Variants in SLC26A5 observed in about 807,000 individuals in gnomAD.
SLC26A5 encodes the protein prestin.
Under a neutral mutation model 81.0 loss-of-function variants are expected in SLC26A5, and 51 were observed. The observed-to-expected ratio is 0.63, with a 90% CI of 0.50 to 0.80. The LOEUF is 0.80. Ranked by LOEUF, SLC26A5 falls within the 30% of genes least tolerant of loss-of-function variation. The pLI is 0.00. For missense variants in SLC26A5, 771 were observed against 905.8 expected, an observed-to-expected ratio of 0.85 and a Z score of 1.91; for synonymous variants, 325 against 332.8, an observed-to-expected ratio of 0.98 and a Z score of 0.25.
chr7:103,394,055 C>T (rs947644172), intron 9 of SLC26A5, among the ~76,000 whole-genome samples: 4 of 152,196 alleles, frequency 2.6e-5, no homozygotes, highest in African/African-American at 9.7e-5. Flanking sequence ...AGCAACTTGT[C>T]CAAGGACAAG....
At chr7:103,381,490 C>T (rs1481990703) in intron 14 of SLC26A5, among the ~76,000 whole-genome samples, 1 of 151,250 alleles carries the variant, frequency 6.6e-6, no homozygotes, top group Non-Finnish European at 1.5e-5. Context: ...CATGCATACA[C>T]AGCACACACA....
At chr7:103,413,803 A>G (rs948887916) in intron 4 of SLC26A5, among the ~76,000 whole-genome samples, 2 of 151,918 alleles carry the variant, frequency 1.3e-5, no homozygotes, top group African/African-American at 4.8e-5. Flanking sequence ...ATTTTTTTTT[A>G]AATAGAATTT....
In SLC26A5 at chr7:103,390,513, G is replaced by T. The variant is rs767679693; in HGVS notation, c.1234-7C>A. The T allele has an allele frequency of 4.8e-5, 78 of 1,613,544 alleles. No homozygotes were observed. In the Middle Eastern group the frequency reaches 5.0e-4, roughly 10 times the overall value. On this transcript the variant is annotated splice_polypyrimidine_tract_variant and splice_region_variant and intron_variant, in intron 11 of 19. Coordinates refer to ENST00000306312, the MANE Select transcript of SLC26A5 (RefSeq NM_198999.3). Reference sequence around the variant, plus strand: ...AGGCCAAACAACCTGCAAGCTGAATGAGAGAAGACACATGGAAGGGGCTTT... The same window carrying T: ...AGGCCAAACAACCTGCAAGCTGAATTAGAGAAGACACATGGAAGGGGCTTT...
At chr7:103,384,559 G>C (rs1230957706) in intron 14 of SLC26A5, among the ~76,000 whole-genome samples, 1 of 152,048 alleles carries the variant, frequency 6.6e-6, no homozygotes, top group African/African-American at 2.4e-5. Context: ...GGAGGTTGCA[G>C]TGAGCTGAGA....
rs747533690 is a variant in SLC26A5, at chr7:103,379,267, C to T, written c.1653G>A (p.Leu551=). Residue 551 remains leucine, a synonymous_variant, in exon 16 of 20, where the codon TTG becomes TTA. Coordinates refer to ENST00000306312, the MANE Select transcript of SLC26A5 (RefSeq NM_198999.3). ...NAPIYYANSD[L]YSNALKRKTG... The stretch of plus-strand genomic sequence containing the variant: ...CCTTTCGTTTTAATGCATTGCTATA[C>T]AAGTCGCTATTTGCATAGTAAATTG... The T allele has an allele frequency of 6.2e-7, 1 of 1,611,178 alleles. No individual in the cohort carries two copies. Among genetic ancestry groups the T allele is most frequent in the African/African-American group, 1.3e-5 (1 of 74,788 alleles).
At chr7:103,387,265 T>C (rs1318379473) in intron 14 of SLC26A5, among the ~76,000 whole-genome samples, 1 of 152,246 alleles carries the variant, frequency 6.6e-6, no homozygotes, top group Non-Finnish European at 1.5e-5. Context: ...TTTTCTGTTA[T>C]GTCATTTGTG....
chr7:103,397,434 G>A (rs1243172832), intron 9 of SLC26A5, among the ~76,000 whole-genome samples: 3 of 150,308 alleles, frequency 2.0e-5, no homozygotes, highest in African/African-American at 5.0e-5. Flanking sequence ...CCAGCTGCTC[G>A]GGAGGCTGAG....
intron 14 of SLC26A5, 26 bp from the exon 15 acceptor site, chr7:103,380,575 A>T: frequency 6.2e-7 from 1 of 1,600,630 alleles, no homozygotes; most frequent in Non-Finnish European, 8.6e-7. Context: ...GTTAAATACC[A>T]TTGTGTTGAG....
intron 2 of SLC26A5, among the ~76,000 whole-genome samples, chr7:103,432,285 T>C (rs998128496): frequency 6.6e-6 from 1 of 152,208 alleles, no homozygotes; most frequent in Non-Finnish European, 1.5e-5. Context: ...TTTTAATTTC[T>C]TTACCTATAA....
intron 19 of SLC26A5, 47 bp from the exon 20 acceptor site, chr7:103,374,639 C>A: frequency 6.4e-7 from 1 of 1,560,762 alleles, no homozygotes; most frequent in South Asian, 1.1e-5. Flanking sequence ...GGATATCAGT[C>A]TTCAACAATT....
At chr7:103,363,931 T>A (rs1013520746) in intron 19 of SLC26A5, among the ~76,000 whole-genome samples, 11 of 152,352 alleles carry the variant, frequency 7.2e-5, no homozygotes, top group African/African-American at 2.6e-4. Flanking sequence ...TATGTATTGA[T>A]AGAAGTCCAG....
intron 19 of SLC26A5, among the ~76,000 whole-genome samples, chr7:103,357,476 T>G (rs1820102996): frequency 6.6e-6 from 1 of 152,222 alleles, no homozygotes; most frequent in Non-Finnish European, 1.5e-5. Context: ...TGCTATATCT[T>G]GTGTATTATA....
chr7:103,381,653 GCA>G (rs752500625), intron 14 of SLC26A5, among the ~76,000 whole-genome samples: 3 of 146,344 alleles, frequency 2.0e-5, no homozygotes, highest in African/African-American at 5.1e-5. Flanking sequence ...CCACATATAT[GCA>G]CACACTACAC....
intron 3 of SLC26A5, among the ~76,000 whole-genome samples, chr7:103,421,134 C>T (rs1202673151): frequency 1.3e-5 from 2 of 152,156 alleles, no homozygotes; most frequent in South Asian, 2.1e-4. Context: ...TTAACATTTA[C>T]ACAGAAAAAA....
rs573434454 is a variant in SLC26A5 at position 103,415,553 on chromosome 7, T to C, written c.293-2441A>G. Among the ~76,000 whole-genome samples, 258 of 152,308 alleles carry C rather than the reference T, an allele frequency of 1.7e-3. 1 individual carries two copies. Among genetic ancestry groups the C allele is most frequent in the Non-Finnish European group, 1.8e-4 (12 of 68,028 alleles). The stretch of plus-strand genomic sequence containing the variant: ...AGGCCAGGGGTGCTGCTAAGTGCCC[T>C]TCACTGCACAAGACAGGCCCCCAAC... On this transcript the variant is annotated intron_variant, in intron 4 of 19. Coordinates refer to ENST00000306312, the MANE Select transcript of SLC26A5 (RefSeq NM_198999.3).
intron 4 of SLC26A5, 43 bp downstream of exon 4, chr7:103,420,695 G>T (rs774165562): frequency 1.3e-5 from 21 of 1,611,978 alleles, no homozygotes; most frequent in Non-Finnish European, 1.7e-5. Context: ...TCAAGCAATT[G>T]TTTGAGGACA....
intron 4 of SLC26A5, among the ~76,000 whole-genome samples, chr7:103,417,092 C>G (rs1824966248): frequency 6.6e-6 from 1 of 152,112 alleles, no homozygotes; most frequent in Admixed American, 6.5e-5. Context: ...TCTTCCTAGG[C>G]TGGGCACAGT....
chr7:103,377,013 T>C (rs1821403440), intron 18 of SLC26A5, 151 bp from the exon 19 acceptor site: 3 of 594,326 alleles, frequency 5.0e-6, no homozygotes, highest in African/African-American at 3.8e-5. Flanking sequence ...AGCTAATCAG[T>C]TAAAAATAAT....
At chr7:103,385,658 G>C (rs906045626) in intron 14 of SLC26A5, among the ~76,000 whole-genome samples, 1 of 151,476 alleles carries the variant, frequency 6.6e-6, no homozygotes, top group African/African-American at 2.4e-5. Flanking sequence ...ACTATTATTT[G>C]AGGAAGAAAG....
Sources: gnomAD v4.1 joint callset for allele counts (sites outside exome capture counted in the v4.1 genomes callset) on GRCh38, gnomAD v4.1.1 for gene constraint, MANE v1.5 for transcripts, NCBI Gene and HGNC (gene_info 2026-07-23, HGNC 2026-07-21) for gene names.